Variants in KCNMA1 observed in about 807,000 individuals in gnomAD.
KCNMA1 encodes potassium calcium-activated channel subfamily M alpha 1.
KCNMA1 carries 29 observed loss-of-function variants against 140.0 expected under a neutral mutation model. The ratio of observed to expected loss-of-function variants is 0.21; its 90% CI spans 0.15 to 0.28. The LOEUF (loss-of-function observed/expected upper bound fraction) is 0.28. KCNMA1 is among the 10% of genes least tolerant of loss of function. KCNMA1 has a pLI of 1.00. For synonymous variants in KCNMA1, 612 were observed against 611.9 expected, an observed-to-expected ratio of 1.00 and a Z score of 0.00; for missense variants, 880 against 1,602.2, an observed-to-expected ratio of 0.55 and a Z score of 7.70.
chr10:77,118,419 T>C (rs2097529364), intron 6 of KCNMA1, among the ~76,000 whole-genome samples: 1 of 152,194 alleles, frequency 6.6e-6, no homozygotes, highest in African/African-American at 2.4e-5. Flanking sequence ...GCTTCTAGAT[T>C]TCTTACAATT....
chr10:76,972,128 A>G (rs1410952950), intron 19 of KCNMA1, among the ~76,000 whole-genome samples: 2 of 152,124 alleles, frequency 1.3e-5, no homozygotes, highest in African/African-American at 4.8e-5. Context: ...GGTGACCTAG[A>G]CTGGTTGTGT....
chr10:77,113,646 T>C (rs1316715171), intron 6 of KCNMA1, among the ~76,000 whole-genome samples: 1 of 152,080 alleles, frequency 6.6e-6, no homozygotes, highest in Admixed American at 6.5e-5. Flanking sequence ...GTATTTTTAG[T>C]AGAGATGGAG....
At chr10:77,005,034 C>T (rs549908223) in intron 18 of KCNMA1, among the ~76,000 whole-genome samples, 72 of 152,322 alleles carry the variant, frequency 4.7e-4, no homozygotes, top group African/African-American at 1.3e-3. Flanking sequence ...TTCTTTCTTA[C>T]GTAGTCACCC....
At chr10:77,172,769 TA>T (rs1449476264) in intron 5 of KCNMA1, among the ~76,000 whole-genome samples, 1 of 151,926 alleles carries the variant, frequency 6.6e-6, no homozygotes, top group Non-Finnish European at 1.5e-5. Flanking sequence ...CAAAATACCT[TA>T]GACTGGGTAA....
At chr10:77,614,358 T>C in intron 1 of KCNMA1, among the ~76,000 whole-genome samples, 1 of 152,214 alleles carries the variant, frequency 6.6e-6, no homozygotes, top group African/African-American at 2.4e-5. Context: ...CCTGTCTCAG[T>C]GGCCCACAGA....
intron 1 of KCNMA1, among the ~76,000 whole-genome samples, chr10:77,532,255 C>T (rs1463700651): frequency 6.6e-6 from 1 of 152,200 alleles, no homozygotes; most frequent in Non-Finnish European, 1.5e-5. Flanking sequence ...GCAGGAGGAT[C>T]CCCCAAGCAG....
chr10:76,977,886 G>A (rs1321515301), intron 19 of KCNMA1: 5 of 476,540 alleles, frequency 1.0e-5, no homozygotes, highest in South Asian at 6.6e-5. Flanking sequence ...CACATCTACC[G>A]TGAGCAATTC....
Position 77,272,523 on chromosome 10 carries a change from A to G in KCNMA1, c.541-21267T>C, listed in dbSNP as rs371625031. 1.6e-4 allele frequency among the ~76,000 whole-genome samples: 25 copies of G among 152,258 alleles called. No individual in the cohort carries two copies. In the East Asian group the frequency reaches 4.8e-3, roughly 29 times the overall value. On this transcript the variant is annotated intron_variant, in intron 2 of 27. Transcript: ENST00000286628. ...CTCCTGAGGTCCTCTTGCATCCTCA[A>G]TGAATACTTGTTGATGAATGACTGG...
chr10:77,078,733 C>T (rs960155422), intron 13 of KCNMA1, among the ~76,000 whole-genome samples: 1 of 152,226 alleles, frequency 6.6e-6, no homozygotes, highest in African/African-American at 2.4e-5. Flanking sequence ...TTCTCCTTCA[C>T]TGATATTCCT....
Position 76,885,906 on chromosome 10 carries a change from T to A in KCNMA1, c.*1360A>T, listed in dbSNP as rs892948693. The A allele has an allele frequency of 1.4e-5, 14 of 985,300 alleles. 1 individual carries two copies. The Admixed American group carries it at 6.1e-4, about 43-fold the overall frequency. 61.0% of individuals were successfully genotyped at this position (985,300 alleles called of 1,614,324 possible). A position where few individuals can be genotyped will look rare whatever the true frequency, so the allele number is the denominator to read the frequency against. ...TGTGTTTGGCTCACTGTTGCACTCT[T>A]CTTATCCCACGTCTCATAATGACAA... On this transcript the variant is annotated 3_prime_UTR_variant, in exon 28 of 28. Coordinates refer to ENST00000286628, the MANE Select transcript of KCNMA1 (RefSeq NM_001161352.2).
chr10:77,029,132 T>G (rs898845293), intron 15 of KCNMA1, among the ~76,000 whole-genome samples: 1 of 152,230 alleles, frequency 6.6e-6, no homozygotes, highest in African/African-American at 2.4e-5. Flanking sequence ...TACAGTTAGA[T>G]GAACCTATAC....
chr10:76,941,228 T>A (rs1421155708), intron 23 of KCNMA1, among the ~76,000 whole-genome samples: 1 of 150,104 alleles, frequency 6.7e-6, no homozygotes, highest in African/African-American at 2.5e-5. Flanking sequence ...AGAAAAAAAA[T>A]GGAGAGTAAC....
intron 15 of KCNMA1, among the ~76,000 whole-genome samples, chr10:77,033,313 G>C (rs973964560): frequency 6.6e-6 from 1 of 152,146 alleles, no homozygotes; most frequent in African/African-American, 2.4e-5. Context: ...GAAAAGAGAA[G>C]TGATTTAAAA....
Position 77,120,955 on chromosome 10 carries a change from T to G in KCNMA1, c.884+18A>C. ...ATAGGGGACTGGAATGAAAAAAATA[T>G]GACGAAGAACATCTTACCTTGTTTT... is the stretch of plus-strand genomic sequence containing the variant. On this transcript the variant is annotated intron_variant, in intron 6 of 27. Transcript: ENST00000286628. 1 of 1,490,644 alleles carries G rather than the reference T, an allele frequency of 6.7e-7. No homozygotes were observed. The highest frequency in any genetic ancestry group is 9.4e-7 in the Non-Finnish European group (1 of 1,068,516). 92.3% of individuals were successfully genotyped at this position (1,490,644 alleles called of 1,614,324 possible).
At position 77,593,757 on chromosome 10, in the gene KCNMA1, TGG is replaced by T. The variant is rs386745539; in HGVS notation, c.378+43506_378+43507del. Among the ~76,000 whole-genome samples, 797 of 152,316 alleles carry T rather than the reference TGG, an allele frequency of 5.2e-3. 8 individuals carry two copies. The highest frequency in any genetic ancestry group is 0.025 in the South Asian group (121 of 4,826). ...AATGCCTCATCTTCTTTCTGCTGCTTGGTGCTGTCTTTGCTACTCCAACAACC... is the reference window on the plus strand; with the variant it reads ...AATGCCTCATCTTCTTTCTGCTGCTTTGCTGTCTTTGCTACTCCAACAACC... On this transcript the variant is annotated intron_variant, in intron 1 of 27. Coordinates refer to ENST00000286628, the MANE Select transcript of KCNMA1 (RefSeq NM_001161352.2).
chr10:76,952,027 A>C, intron 21 of KCNMA1: 1 of 1,551,640 alleles, frequency 6.4e-7, no homozygotes, highest in Admixed American at 2.0e-5. Flanking sequence ...GGATAGAAGT[A>C]GTAACTCACC....
intron 8 of KCNMA1, among the ~76,000 whole-genome samples, chr10:77,109,465 C>T (rs979726120): frequency 1.3e-5 from 2 of 152,136 alleles, no homozygotes; most frequent in Non-Finnish European, 1.5e-5. Context: ...CAACTGCCAA[C>T]GTGTGGCCAG....
intron 2 of KCNMA1, among the ~76,000 whole-genome samples, chr10:77,305,087 A>G (rs1048937969): frequency 1.3e-5 from 2 of 152,204 alleles, no homozygotes; most frequent in African/African-American, 4.8e-5. Flanking sequence ...TGGTCGATGG[A>G]CCACACTGAG....
intron 18 of KCNMA1, among the ~76,000 whole-genome samples, chr10:77,011,485 C>T (rs1203309479): frequency 2.0e-5 from 3 of 152,226 alleles, no homozygotes; most frequent in Non-Finnish European, 2.9e-5. Flanking sequence ...CAGTTGCCAA[C>T]TCTGGCCTGT....
Sources: gnomAD v4.1 joint callset for allele counts (sites outside exome capture counted in the v4.1 genomes callset) on GRCh38, gnomAD v4.1.1 for gene constraint, MANE v1.5 for transcripts, NCBI Gene and HGNC (gene_info 2026-07-23, HGNC 2026-07-21) for gene names.